The following GAB2 variants were observed in gnomAD, a reference collection of about 807,000 sequenced individuals.
The protein encoded by GAB2 is GRB2 associated binding protein 2.
Under a neutral mutation model 65.5 loss-of-function variants are expected in GAB2, and 26 were observed. That is an observed-to-expected ratio of 0.40 (90% CI 0.29 to 0.55). The LOEUF is 0.55. Ranked by LOEUF, GAB2 falls within the 20% of genes least tolerant of loss-of-function variation. The probability of loss-of-function intolerance (pLI) is 0.53; values close to 1 mark genes in which losing one functional copy is unlikely to be tolerated. For missense variants in GAB2, 884 were observed against 875.8 expected (o/e 1.01, Z -0.12); for synonymous variants, 321 against 329.6 (o/e 0.97, Z 0.28).
chr11:78,254,103 C>G (rs147411606), intron 2 of GAB2, among the ~76,000 whole-genome samples: 278 of 152,242 alleles, frequency 1.8e-3, no homozygotes, highest in African/African-American at 6.0e-3. Context: ...GGGGAAGTCA[C>G]TTCACCTCTC....
Position 78,223,637 on chromosome 11 carries a change from A to G in GAB2, c.1342T>C (p.Ser448Pro), listed in dbSNP as rs1363248140. 1 of 1,612,196 alleles carries G rather than the reference A, an allele frequency of 6.2e-7. No individual in the cohort carries two copies. Among genetic ancestry groups the G allele is most frequent in the South Asian group, 1.1e-5 (1 of 90,756 alleles). Reference protein sequence around the residue: ...MIVGRSDSTNSEDNYVPMNPG... With the variant: ...MIVGRSDSTNPEDNYVPMNPG... ...TTCATGGGCACATAGTTGTCTTCAG[A>G]ATTGGTGCTGTCCGATCGGCCCACA... Residue 448 changes from serine to proline, a missense_variant, in exon 6 of 10, where the codon TCT (serine) becomes CCT (proline). Coordinates refer to ENST00000361507, the MANE Select transcript of GAB2 (RefSeq NM_080491.3).
chr11:78,297,447 T>C (rs1438499762), intron 1 of GAB2, among the ~76,000 whole-genome samples: 1 of 152,130 alleles, frequency 6.6e-6, no homozygotes, highest in African/African-American at 2.4e-5. Flanking sequence ...AAAACACTTA[T>C]TCAGTTCATA....
At chr11:78,258,896 G>A (rs1207676257) in intron 2 of GAB2, among the ~76,000 whole-genome samples, 1 of 152,086 alleles carries the variant, frequency 6.6e-6, no homozygotes, top group Non-Finnish European at 1.5e-5. Context: ...TTTAGGTTCA[G>A]GGGTACACGT....
At chr11:78,332,814 G>T (rs1855937789) in intron 1 of GAB2, among the ~76,000 whole-genome samples, 2 of 152,226 alleles carry the variant, frequency 1.3e-5, no homozygotes, top group Non-Finnish European at 2.9e-5. Context: ...CTTTCTAGGT[G>T]CTTAGAGGAA....
chr11:78,258,723 A>G (rs1229279285), intron 2 of GAB2, among the ~76,000 whole-genome samples: 9 of 151,926 alleles, frequency 5.9e-5, no homozygotes, highest in African/African-American at 2.2e-4. Flanking sequence ...TTGGCCTCCC[A>G]AAGTGCTGGA....
At chr11:78,262,529 G>A (rs1865761538) in intron 2 of GAB2, among the ~76,000 whole-genome samples, 1 of 152,096 alleles carries the variant, frequency 6.6e-6, no homozygotes, top group Non-Finnish European at 1.5e-5. Flanking sequence ...ACAAAAATGG[G>A]GTCAGCTGCC....
intron 1 of GAB2, among the ~76,000 whole-genome samples, chr11:78,306,568 AG>A (rs1316270908): frequency 6.6e-6 from 1 of 152,208 alleles, no homozygotes; most frequent in Non-Finnish European, 1.5e-5. Flanking sequence ...ATAGTCATTC[AG>A]ATCATAAGTT....
chr11:78,245,101 TAG>T (rs1358289436), intron 3 of GAB2, among the ~76,000 whole-genome samples: 2 of 152,178 alleles, frequency 1.3e-5, no homozygotes, highest in African/African-American at 2.4e-5. Context: ...ATGAGGCATC[TAG>T]AGAAGTCAGA....
chr11:78,299,718 C>T (rs1016113543), intron 1 of GAB2, among the ~76,000 whole-genome samples: 2 of 152,190 alleles, frequency 1.3e-5, no homozygotes, highest in African/African-American at 4.8e-5. Context: ...AAGATTAATT[C>T]AGGTGATCAA....
chr11:78,244,663 T>TAAAAAAAAAAAAAAAAAAAAAAAAA, intron 3 of GAB2, among the ~76,000 whole-genome samples: 1 of 74,772 alleles, frequency 1.3e-5, no homozygotes, highest in Non-Finnish European at 2.3e-5. Context: ...ACATTCATAG[T>TAAAAAAAAAAAAAAAAAAAAAAAAA]AAAAAAAAAA....
chr11:78,394,989 G>C lies in GAB2; in HGVS notation c.75+22657C>G, dbSNP rs192031585. Among the ~76,000 whole-genome samples, 329 of 152,308 alleles carry C rather than the reference G, an allele frequency of 2.2e-3. 1 individual carries two copies. The highest frequency in any genetic ancestry group is 7.3e-3 in the African/African-American group (304 of 41,556). On this transcript the variant is annotated intron_variant, in intron 1 of 9. Transcript: ENST00000361507. ...ATCTAGGAGGACTCAAGAGCAGCCA[G>C]TGAAGAGACTCGTATCCTTGTCCCT...
At chr11:78,328,980 A>G (rs963668218) in intron 1 of GAB2, among the ~76,000 whole-genome samples, 5 of 152,208 alleles carry the variant, frequency 3.3e-5, no homozygotes, top group Admixed American at 3.3e-4. Context: ...TATGCATGCT[A>G]AAGTATTTAG....
chr11:78,407,652 A>C (rs1483742676), intron 1 of GAB2, among the ~76,000 whole-genome samples: 3 of 125,782 alleles, frequency 2.4e-5, no homozygotes, highest in Non-Finnish European at 5.0e-5. Flanking sequence ...AAAGAAAGAA[A>C]GAAAGTAAGA....
chr11:78,327,028 T>C (rs1855835055), intron 1 of GAB2, among the ~76,000 whole-genome samples: 1 of 152,196 alleles, frequency 6.6e-6, no homozygotes. Context: ...CCACAGCAGG[T>C]AAGCCACCAT....
At chr11:78,361,065 G>A (rs1398955220) in intron 1 of GAB2, among the ~76,000 whole-genome samples, 2 of 152,128 alleles carry the variant, frequency 1.3e-5, no homozygotes, top group African/African-American at 4.8e-5. Flanking sequence ...TTAATACTTA[G>A]TGAGTTCACA....
intron 1 of GAB2, among the ~76,000 whole-genome samples, chr11:78,343,337 G>T (rs375758780): frequency 2.2e-5 from 3 of 135,962 alleles, no homozygotes; most frequent in African/African-American, 5.3e-5. Context: ...CAAAGAAGTG[G>T]CAATGTAGTA....
chr11:78,266,144 G>A (rs967608878), intron 2 of GAB2, among the ~76,000 whole-genome samples: 1 of 149,432 alleles, frequency 6.7e-6, no homozygotes, highest in Non-Finnish European at 1.5e-5. Flanking sequence ...GAACCTGAGT[G>A]GTGGAGGCTG....
At chr11:78,333,640 G>A (rs1365069693) in intron 1 of GAB2, among the ~76,000 whole-genome samples, 1 of 152,196 alleles carries the variant, frequency 6.6e-6, no homozygotes, top group Non-Finnish European at 1.5e-5. Flanking sequence ...AGGTGGTCCT[G>A]TGTGATTAGT....
At chr11:78,288,730 C>G (rs954766082) in intron 1 of GAB2, among the ~76,000 whole-genome samples, 9 of 152,200 alleles carry the variant, frequency 5.9e-5, no homozygotes, top group African/African-American at 2.2e-4. Context: ...GATTGGACAA[C>G]TCGACTTGGT....
Sources: allele counts gnomAD v4.1 joint callset (sites outside exome capture counted in the v4.1 genomes callset), GRCh38; gene constraint gnomAD v4.1.1; transcripts MANE v1.5; gene names NCBI Gene and HGNC (gene_info 2026-07-23, HGNC 2026-07-21).